FRY: variants seen among roughly 807,000 people sequenced by gnomAD.
The protein encoded by FRY is FRY microtubule binding protein.
Under a neutral mutation model 348.4 loss-of-function variants are expected in FRY, and 128 were observed. The ratio of observed to expected loss-of-function variants is 0.37; its 90% CI spans 0.32 to 0.43. The LOEUF (loss-of-function observed/expected upper bound fraction) is 0.43. FRY is among the 20% of genes least tolerant of loss of function. The pLI is 1.00. For synonymous variants in FRY, 1,370 were observed against 1,374.7 expected (o/e 1.00, Z 0.08); for missense variants, 2,736 against 3,695.2 (o/e 0.74, Z 6.73).
At chr13:32,087,101 C>T (rs1396068773) in intron 2 of FRY, among the ~76,000 whole-genome samples, 1 of 152,146 alleles carries the variant, frequency 6.6e-6, no homozygotes, top group Non-Finnish European at 1.5e-5. Context: ...GAAGTAAACT[C>T]AAAGTAACAC....
chr13:32,123,521 G>C (rs1306902847), intron 4 of FRY, among the ~76,000 whole-genome samples: 2 of 152,170 alleles, frequency 1.3e-5, no homozygotes, highest in East Asian at 3.8e-4. Context: ...CACCCCTGCA[G>C]TCCTGCTCAA....
chr13:32,101,570 A>C (rs557235101), intron 2 of FRY, among the ~76,000 whole-genome samples: 4 of 152,202 alleles, frequency 2.6e-5, no homozygotes, highest in Non-Finnish European at 5.9e-5. Context: ...GGCTCCACTA[A>C]TTTACATTCC....
At chr13:32,146,208 A>T (rs1441508633) in intron 11 of FRY, among the ~76,000 whole-genome samples, 10 of 150,924 alleles carry the variant, frequency 6.6e-5, no homozygotes, top group Non-Finnish European at 1.5e-4. Flanking sequence ...CACCTTTCGA[A>T]GTATCTAGGG....
At chr13:32,136,694 T>C (rs186286593) in intron 10 of FRY, among the ~76,000 whole-genome samples, 177 bp from the exon 11 acceptor site, 43 of 152,370 alleles carry the variant, frequency 2.8e-4, no homozygotes, top group Admixed American at 1.4e-3. Context: ...TCAGAAAGCG[T>C]TTGTGAAATG....
chr13:32,078,546 T>C (rs1353862317), intron 1 of FRY, among the ~76,000 whole-genome samples: 2 of 152,190 alleles, frequency 1.3e-5, no homozygotes, highest in Non-Finnish European at 2.9e-5. Flanking sequence ...GCCAAAAACA[T>C]CTTAAGTATT....
intron 16 of FRY, among the ~76,000 whole-genome samples, chr13:32,159,947 A>C (rs894752587): frequency 6.6e-6 from 1 of 152,200 alleles, no homozygotes; most frequent in African/African-American, 2.4e-5. Flanking sequence ...CAAAAGCTCT[A>C]TGGATGACAA....
At chr13:32,225,763 A>G in intron 38 of FRY, 26 bp from the exon 39 acceptor site, 1 of 1,568,522 alleles carries the variant, frequency 6.4e-7, no homozygotes, top group Non-Finnish European at 8.8e-7. Flanking sequence ...GTTTGTTTAT[A>G]CTTAGATTCT....
At chr13:32,287,877 C>A (rs769802017) in intron 58 of FRY, 1 of 1,354,368 alleles carries the variant, frequency 7.4e-7, no homozygotes, top group Non-Finnish European at 9.9e-7. Flanking sequence ...CAAATGGAAT[C>A]TCTTGCAGTA....
intron 1 of FRY, among the ~76,000 whole-genome samples, chr13:32,045,727 G>C (rs1258241861): frequency 6.6e-6 from 1 of 152,138 alleles, no homozygotes; most frequent in African/African-American, 2.4e-5. Flanking sequence ...GATATCATTG[G>C]AGTATTAGTC....
At chr13:32,161,058 C>T (rs1881416870) in intron 16 of FRY, 86 bp from the exon 17 acceptor site, 4 of 880,702 alleles carry the variant, frequency 4.5e-6, no homozygotes, top group Non-Finnish European at 5.8e-6. Flanking sequence ...GGCATGGATT[C>T]TAGTCTTTGT....
At chr13:32,236,258 G>GA (rs1886221366) in intron 43 of FRY, 86 bp downstream of exon 43, 3 of 1,008,736 alleles carry the variant, frequency 3.0e-6, no homozygotes, top group South Asian at 1.3e-5. Flanking sequence ...AAAGTACAAA[G>GA]AAAAAATCTA....
intron 56 of FRY, 136 bp downstream of exon 56, chr13:32,275,127 C>T (rs2138598484): frequency 1.3e-6 from 1 of 762,830 alleles, no homozygotes; most frequent in East Asian, 2.8e-5. Flanking sequence ...GCCTGTAATC[C>T]CAGCACTTTG....
chr13:32,184,072 G>C (rs1262582815), intron 24 of FRY, among the ~76,000 whole-genome samples: 1 of 151,536 alleles, frequency 6.6e-6, no homozygotes, highest in African/African-American at 2.4e-5. Context: ...CCAGCTACTC[G>C]AGAGGCTGAG....
rs751490156 is a variant in FRY, at chr13:32,295,262, G to A, written c.8844G>A (p.Leu2948=). The A allele has an allele frequency of 1.2e-6, 2 of 1,613,580 alleles. No individual in the cohort carries two copies. ...SSSDDEVQTL[L]NIYFRHQTLG... Reference sequence around the variant, plus strand: ...CTGATGATGAGGTCCAGACACTACTGAATATTTATTTCCGTCACCAAACTC... The same window carrying A: ...CTGATGATGAGGTCCAGACACTACTAAATATTTATTTCCGTCACCAAACTC... Residue 2948 remains leucine, a synonymous_variant, in exon 61 of 61, where the codon CTG becomes CTA. Transcript: ENST00000542859.
intron 1 of FRY, among the ~76,000 whole-genome samples, chr13:32,075,873 C>A (rs1471902215): frequency 6.6e-6 from 1 of 152,200 alleles, no homozygotes; most frequent in East Asian, 1.9e-4. Flanking sequence ...AGTGACACCC[C>A]ACCTTGAATC....
At chr13:32,127,334 C>G (rs1315621739) in intron 7 of FRY, among the ~76,000 whole-genome samples, 2 of 151,774 alleles carry the variant, frequency 1.3e-5, no homozygotes, top group African/African-American at 4.8e-5. Flanking sequence ...ACAGTATTTA[C>G]TAAATAAAAT....
intron 35 of FRY, among the ~76,000 whole-genome samples, chr13:32,213,322 A>G (rs1026002893): frequency 1.3e-5 from 2 of 152,158 alleles, no homozygotes; most frequent in African/African-American, 2.4e-5. Flanking sequence ...GGGGCTCTGA[A>G]GGCTCCTTCC....
rs1593696275 is a variant in FRY, at chr13:32,173,277, C to G, written c.2152-90C>G. 4 of 965,784 alleles carry G rather than the reference C, an allele frequency of 4.1e-6. No individual in the cohort carries two copies. In the East Asian group the frequency reaches 9.6e-5, roughly 23 times the overall value. The allele number at this position is 965,784 out of a possible 1,614,324, so 59.8% of individuals were successfully genotyped here. On this transcript the variant is annotated intron_variant, in intron 18 of 60. Transcript: ENST00000542859. Reference sequence around the variant, plus strand: ...TCATTTATTTTAATATTTACAAGGTCAAATGTGCAAAAAATATGTAAAACA... The same window carrying G: ...TCATTTATTTTAATATTTACAAGGTGAAATGTGCAAAAAATATGTAAAACA...
intron 16 of FRY, among the ~76,000 whole-genome samples, chr13:32,159,177 A>G (rs1417357283): frequency 6.6e-6 from 1 of 152,076 alleles, no homozygotes; most frequent in Non-Finnish European, 1.5e-5. Flanking sequence ...AGATAGGGCT[A>G]GAAATATTTT....
Sources: gnomAD v4.1 joint callset for allele counts (sites outside exome capture counted in the v4.1 genomes callset) on GRCh38, gnomAD v4.1.1 for gene constraint, MANE v1.5 for transcripts, NCBI Gene and HGNC (gene_info 2026-07-23, HGNC 2026-07-21) for gene names.